Variants in PRKN observed in about 807,000 individuals in gnomAD.
PRKN encodes the protein parkin RBR E3 ubiquitin protein ligase, also known as E3 ubiquitin-protein ligase parkin.
In PRKN, 56 loss-of-function variants were observed where a neutral mutation model predicts 59.5. That is an observed-to-expected ratio of 0.94 (90% confidence interval 0.76 to 1.18). PRKN has a LOEUF of 1.18. PRKN is among the 50% of genes most tolerant of loss of function. The pLI, the probability that PRKN is intolerant of heterozygous loss-of-function variation, is 0.00. For synonymous variants in PRKN, 250 were observed against 222.1 expected (o/e 1.13, Z -1.12); for missense variants, 657 against 596.4 (o/e 1.10, Z -1.06).
intron 7 of PRKN, among the ~76,000 whole-genome samples, chr6:161,661,790 A>T (rs1784557217): frequency 6.6e-6 from 1 of 152,148 alleles, no homozygotes; most frequent in Non-Finnish European, 1.5e-5. Context: ...TGGGAGGCCG[A>T]CGTGGGAGGA....
chr6:162,168,561 A>C, intron 4 of PRKN, among the ~76,000 whole-genome samples: 1 of 144,996 alleles, frequency 6.9e-6, no homozygotes, highest in South Asian at 2.1e-4. Context: ...TTTTACAAAA[A>C]AAAAAAAAAA....
intron 2 of PRKN, among the ~76,000 whole-genome samples, chr6:162,377,710 T>A (rs369328547): frequency 3.3e-5 from 5 of 152,218 alleles, no homozygotes; most frequent in African/African-American, 1.2e-4. Flanking sequence ...ATGTAAGTCA[T>A]ATGAGACCAT....
intron 2 of PRKN, among the ~76,000 whole-genome samples, chr6:162,428,110 G>A (rs905740852): frequency 2.6e-5 from 4 of 152,104 alleles, no homozygotes; most frequent in Admixed American, 6.6e-5. Flanking sequence ...TTATACAATG[G>A]TTTATATATA....
rs1381381516 is a variant in PRKN at position 162,056,066 on chromosome 6, C to A, written c.535-1892G>T. On this transcript the variant is annotated intron_variant, in intron 4 of 11. Coordinates refer to ENST00000366898, the MANE Select transcript of PRKN (RefSeq NM_004562.3). This position sits in a 1 kb window ranked among gnomAD's most constrained non-coding sequence, Gnocchi z 4.9. The stretch of plus-strand genomic sequence containing the variant: ...CATGCATAAACACACCACATACATA[C>A]ACGTGCACACACATCCCACACACCT... Among the ~76,000 whole-genome samples the A allele has an allele frequency of 6.6e-6, 1 of 151,624 alleles. No homozygotes were observed. The highest frequency in any genetic ancestry group is 1.5e-5 in the Non-Finnish European group (1 of 67,896).
At chr6:161,875,004 T>TAA (rs1491330535) in intron 6 of PRKN, among the ~76,000 whole-genome samples, 1 of 92,366 alleles carries the variant, frequency 1.1e-5, no homozygotes, top group Non-Finnish European at 1.8e-5. Flanking sequence ...ATATAATATA[T>TAA]TATATATTAT....
chr6:161,809,500 C>T (rs542256769), intron 6 of PRKN, among the ~76,000 whole-genome samples: 12 of 151,964 alleles, frequency 7.9e-5, no homozygotes, highest in Non-Finnish European at 1.2e-4. Context: ...AGAAATAAAG[C>T]GACAAAAAAA....
intron 3 of PRKN, among the ~76,000 whole-genome samples, chr6:162,201,567 G>C (rs771440905): frequency 2.0e-5 from 3 of 152,186 alleles, no homozygotes; most frequent in Admixed American, 2.0e-4. Flanking sequence ...TCTTTGCCGA[G>C]GAAGTTTGAA....
Position 161,724,848 on chromosome 6 carries a change from TC to T in PRKN, c.871+60923del, listed in dbSNP as rs576506277. 7.3e-3 allele frequency among the ~76,000 whole-genome samples: 1,119 copies of T among 152,282 alleles called. 19 individuals carry two copies. The highest frequency in any genetic ancestry group is 0.025 in the African/African-American group (1,037 of 41,532). On this transcript the variant is annotated intron_variant, in intron 7 of 11. Coordinates refer to ENST00000366898, the MANE Select transcript of PRKN (RefSeq NM_004562.3). ...AACCAAATCTCATGTTGAATTGTAATCCCCAATGCTGGAGATGGGGCCTGGT... is the reference window on the plus strand; with the variant it reads ...AACCAAATCTCATGTTGAATTGTAATCCCAATGCTGGAGATGGGGCCTGGT...
Position 161,473,419 on chromosome 6 carries a change from T to C in PRKN, c.1083+75435A>G, listed in dbSNP as rs1790891423. On this transcript the variant is annotated intron_variant, in intron 9 of 11. Transcript: ENST00000366898. This position sits in a 1 kb window ranked among gnomAD's most constrained non-coding sequence, Gnocchi z 4.1. ...AAGCCTTAAAAAGGAGATTCTACTA[T>C]TTTTGGCAACATGTATTAACCTGGA... is the stretch of plus-strand genomic sequence containing the variant. Among the ~76,000 whole-genome samples, 2 of 151,622 alleles carry C rather than the reference T, an allele frequency of 1.3e-5. No homozygotes were observed. Among genetic ancestry groups the C allele is most frequent in the South Asian group, 4.1e-4 (2 of 4,824 alleles).
intron 2 of PRKN, among the ~76,000 whole-genome samples, chr6:162,441,718 G>C (rs1244834308): frequency 6.6e-6 from 1 of 152,098 alleles, no homozygotes; most frequent in Admixed American, 6.6e-5. Flanking sequence ...GAGAAGCCTA[G>C]GACATTGGAA....
At chr6:161,569,165 A>G (rs1324839383) in intron 8 of PRKN, among the ~76,000 whole-genome samples, 190 bp downstream of exon 8, 1 of 152,246 alleles carries the variant, frequency 6.6e-6, no homozygotes, top group Admixed American at 6.5e-5. Context: ...GTAGCAATTA[A>G]TAACCTGTCA....
At chr6:162,067,504 G>A (rs1262764435) in intron 4 of PRKN, among the ~76,000 whole-genome samples, 3 of 152,140 alleles carry the variant, frequency 2.0e-5, no homozygotes, top group Non-Finnish European at 4.4e-5. Flanking sequence ...TTATTTATGA[G>A]TTCATGAGTT....
In PRKN at chr6:161,678,358, A is replaced by G. The variant is rs1192909622; in HGVS notation, c.871+107414T>C. Among the ~76,000 whole-genome samples the G allele has an allele frequency of 2.7e-5, 4 of 148,490 alleles. No individual in the cohort carries two copies. The Admixed American group carries it at 2.8e-4, about 10-fold the overall frequency. On this transcript the variant is annotated intron_variant, in intron 7 of 11. Coordinates refer to ENST00000366898, the MANE Select transcript of PRKN (RefSeq NM_004562.3). ...TCTCTGAGGCTCTTCATTTTCTTCT[A>G]TACAATGGGGACAAGTGTAATAATG...
rs1386134049 is a variant in PRKN at position 161,457,981 on chromosome 6, G to T, written c.1084-71104C>A. ...GCTTTTATGGGACACAAGCTGAACT[G>T]TCATGCAGACAATGACCGCCTTCTG... On this transcript the variant is annotated intron_variant, in intron 9 of 11. Coordinates refer to ENST00000366898, the MANE Select transcript of PRKN (RefSeq NM_004562.3). This position sits in a 1 kb window ranked among gnomAD's most constrained non-coding sequence, Gnocchi z 5.0. 6.6e-6 allele frequency among the ~76,000 whole-genome samples: 1 copy of T among 152,216 alleles called. No individual in the cohort carries two copies. Among genetic ancestry groups the T allele is most frequent in the African/African-American group, 2.4e-5 (1 of 41,458 alleles).
Position 161,560,367 on chromosome 6 carries a change from G to A in PRKN, c.933+8988C>T, listed in dbSNP as rs1583229087. 6.6e-6 allele frequency among the ~76,000 whole-genome samples: 1 copy of A among 152,044 alleles called. No homozygotes were observed. The highest frequency in any genetic ancestry group is 3.4e-3 in the Middle Eastern group (1 of 294). ...GATGGTTGTCCCTTGGCTCCTTAAC[G>A]ACGCCCCCAAATGCTTGGGTTCCTC... On this transcript the variant is annotated intron_variant, in intron 8 of 11. Coordinates refer to ENST00000366898, the MANE Select transcript of PRKN (RefSeq NM_004562.3). This position sits in a 1 kb window ranked among gnomAD's most constrained non-coding sequence, Gnocchi z 4.9.
intron 3 of PRKN, among the ~76,000 whole-genome samples, chr6:162,208,116 T>G (rs954769084): frequency 1.3e-5 from 2 of 152,198 alleles, no homozygotes; most frequent in Non-Finnish European, 2.9e-5. Flanking sequence ...AAAAGTGAAA[T>G]TCTAAGTTTA....
intron 8 of PRKN, among the ~76,000 whole-genome samples, chr6:161,558,396 G>A (rs761393): frequency 2.6e-5 from 4 of 151,660 alleles, no homozygotes; most frequent in African/African-American, 9.7e-5. Flanking sequence ...ACCCCATTTC[G>A]ACAAAAAATT....
chr6:162,338,811 G>A (rs1783979384), intron 2 of PRKN, among the ~76,000 whole-genome samples: 3 of 150,280 alleles, frequency 2.0e-5, no homozygotes, highest in Admixed American at 6.6e-5. Context: ...AGTGAGGAGC[G>A]CCTCTTCCCG....
At chr6:162,090,121 C>G (rs1779415954) in intron 4 of PRKN, among the ~76,000 whole-genome samples, 1 of 151,938 alleles carries the variant, frequency 6.6e-6, no homozygotes, top group Non-Finnish European at 1.5e-5. Context: ...CCTAAAAGTG[C>G]TGAGGAACCA....
Sources: allele counts gnomAD v4.1 joint callset (sites outside exome capture counted in the v4.1 genomes callset), GRCh38; gene constraint gnomAD v4.1.1; non-coding constraint Gnocchi (gnomAD v3.1); transcripts MANE v1.5; gene names NCBI Gene and HGNC (gene_info 2026-07-23, HGNC 2026-07-21).